The following RHBDL2 variants were observed in gnomAD, a reference collection of about 807,000 sequenced individuals.
RHBDL2 encodes rhomboid-related protein 2.
RHBDL2 carries 26 observed loss-of-function variants against 31.7 expected under a neutral mutation model. The ratio of observed to expected loss-of-function variants is 0.82; its 90% confidence interval spans 0.60 to 1.14. RHBDL2 has a LOEUF of 1.14. Ranked by LOEUF, RHBDL2 falls within the 50% of genes most tolerant of loss-of-function variation. The pLI, the probability that RHBDL2 is intolerant of heterozygous loss-of-function variation, is 0.00. For missense variants in RHBDL2, 336 were observed against 364.4 expected, an observed-to-expected ratio of 0.92 and a Z score of 0.63; for synonymous variants, 123 against 127.2, an observed-to-expected ratio of 0.97 and a Z score of 0.22.
intron 7 of RHBDL2, among the ~76,000 whole-genome samples, chr1:38,887,076 T>C (rs1487578023): frequency 6.7e-6 from 1 of 148,784 alleles, no homozygotes. Context: ...ACACAAGTAA[T>C]AACATACACA....
chr1:38,892,956 A>G (rs1051247730), intron 6 of RHBDL2, among the ~76,000 whole-genome samples: 1 of 152,240 alleles, frequency 6.6e-6, no homozygotes, highest in Non-Finnish European at 1.5e-5. Flanking sequence ...AGTGCCAATG[A>G]GCTTTCTTTC....
chr1:38,941,313 T>C (rs953809103), intron 1 of RHBDL2, among the ~76,000 whole-genome samples: 14 of 152,100 alleles, frequency 9.2e-5, no homozygotes, highest in Non-Finnish European at 1.9e-4. Flanking sequence ...ACTGGCTTAG[T>C]TGGAGTTAGA....
intron 4 of RHBDL2, among the ~76,000 whole-genome samples, chr1:38,897,085 CATTAAACTTTGAAGAA>C (rs1263151842): frequency 2.0e-5 from 3 of 151,530 alleles, no homozygotes; most frequent in African/African-American, 7.3e-5. Context: ...ATAGCATTTT[CATTAAACTTTGAAGAA>C]TCTTTTTTTT....
At chr1:38,904,442 AGTCTGGGTGACAGAATGAGACTCCGT>A (rs1301300469) in intron 4 of RHBDL2, among the ~76,000 whole-genome samples, 1 of 151,972 alleles carries the variant, frequency 6.6e-6, no homozygotes, top group African/African-American at 2.4e-5. Context: ...ACTGCACTCC[AGTCTGGGTGACAGAATGAGACTCCGT>A]CTCAAAAAAA....
intron 2 of RHBDL2, among the ~76,000 whole-genome samples, chr1:38,918,277 G>A (rs1643264727): frequency 6.6e-6 from 1 of 152,138 alleles, no homozygotes; most frequent in African/African-American, 2.4e-5. Flanking sequence ...GTTACATTAG[G>A]AACTTCCTAA....
intron 1 of RHBDL2, chr1:38,929,540 G>A (rs1456280763): frequency 7.8e-7 from 1 of 1,289,354 alleles, no homozygotes; most frequent in South Asian, 1.2e-5. Flanking sequence ...TATCTGAATT[G>A]TTTTTTCTAA....
chr1:38,899,429 T>C (rs1027786122), intron 4 of RHBDL2, among the ~76,000 whole-genome samples: 7 of 152,072 alleles, frequency 4.6e-5, no homozygotes, highest in East Asian at 1.9e-4. Flanking sequence ...CTAGGGAAGA[T>C]GGGGGGCAGT....
At chr1:38,932,858 T>G (rs1643453489) in intron 1 of RHBDL2, among the ~76,000 whole-genome samples, 1 of 152,176 alleles carries the variant, frequency 6.6e-6, no homozygotes, top group African/African-American at 2.4e-5. Context: ...CTCACACCAT[T>G]CTGCCTTTCT....
chr1:38,892,606 A>C (rs2124302218), intron 6 of RHBDL2, among the ~76,000 whole-genome samples: 2 of 152,296 alleles, frequency 1.3e-5, no homozygotes, highest in South Asian at 4.1e-4. Context: ...TCTCCATGTT[A>C]GTGTCTGGGA....
At chr1:38,909,160 G>A (rs1643108797) in intron 4 of RHBDL2, among the ~76,000 whole-genome samples, 1 of 152,120 alleles carries the variant, frequency 6.6e-6, no homozygotes, top group African/African-American at 2.4e-5. Flanking sequence ...GGTTTTTATA[G>A]GCACAGGATG....
intron 1 of RHBDL2, among the ~76,000 whole-genome samples, chr1:38,936,559 G>A (rs1570945444): frequency 1.1e-4 from 16 of 151,174 alleles, no homozygotes; most frequent in Admixed American, 1.1e-3. Context: ...GAGTGCAATG[G>A]CGCGATCTCA....
intron 3 of RHBDL2, among the ~76,000 whole-genome samples, chr1:38,912,910 ATGTGTGTGTG>A (rs869081947): frequency 2.7e-4 from 11 of 41,354 alleles, no homozygotes; most frequent in East Asian, 4.9e-4. Context: ...ATATATATAT[ATGTGTGTGTG>A]TGTGTGTGTG....
chr1:38,915,537 CA>C (rs1277389570), intron 3 of RHBDL2, 24 bp downstream of exon 3: 13 of 1,611,796 alleles, frequency 8.1e-6, no homozygotes, highest in Non-Finnish European at 1.1e-5. Context: ...CCTCTGATAC[CA>C]GGGGCTTAAC....
At chr1:38,920,563 T>C (rs1278605364) in intron 1 of RHBDL2, among the ~76,000 whole-genome samples, 7 of 151,934 alleles carry the variant, frequency 4.6e-5, no homozygotes, top group African/African-American at 1.7e-4. Flanking sequence ...ATTTGGGTTG[T>C]TTCCACCTTT....
chr1:38,907,052 T>C (rs910930772), intron 4 of RHBDL2, among the ~76,000 whole-genome samples: 2 of 152,178 alleles, frequency 1.3e-5, no homozygotes, highest in East Asian at 3.8e-4. Flanking sequence ...GGTGGAGGGA[T>C]AGACATAGAG....
intron 6 of RHBDL2, among the ~76,000 whole-genome samples, chr1:38,891,100 C>T (rs1335705551): frequency 6.6e-6 from 1 of 151,748 alleles, no homozygotes; most frequent in East Asian, 1.9e-4. Flanking sequence ...AAAACCCCAT[C>T]TCTACTAAAA....
intron 4 of RHBDL2, among the ~76,000 whole-genome samples, chr1:38,910,441 A>C (rs1290223323): frequency 6.6e-6 from 1 of 152,208 alleles, no homozygotes; most frequent in Non-Finnish European, 1.5e-5. Flanking sequence ...TTTTTTAAAA[A>C]AATGTTTCCA....
chr1:38,902,445 A>G (rs1643005447), intron 4 of RHBDL2, among the ~76,000 whole-genome samples: 1 of 139,642 alleles, frequency 7.2e-6, no homozygotes, highest in Non-Finnish European at 1.5e-5. Context: ...TTTGAGATGG[A>G]GTCTCGCTTT....
intron 4 of RHBDL2, among the ~76,000 whole-genome samples, chr1:38,905,542 G>C (rs1456259980): frequency 2.6e-5 from 4 of 151,076 alleles, no homozygotes; most frequent in African/African-American, 9.7e-5. Flanking sequence ...TTGAGGCCAG[G>C]AGTTTGAAAT....
Sources: gnomAD v4.1 joint callset for allele counts (sites outside exome capture counted in the v4.1 genomes callset) on GRCh38, gnomAD v4.1.1 for gene constraint, MANE v1.5 for transcripts, NCBI Gene and HGNC (gene_info 2026-07-23, HGNC 2026-07-21) for gene names.